TLL1: variants seen among roughly 807,000 people sequenced by gnomAD.
TLL1 encodes the protein tolloid like 1.
TLL1 carries 49 observed loss-of-function variants against 128.2 expected under a neutral mutation model. The observed-to-expected ratio is 0.38, with a 90% confidence interval of 0.30 to 0.48. The LOEUF (loss-of-function observed/expected upper bound fraction) is 0.48. Ranked by LOEUF, TLL1 falls within the 20% of genes least tolerant of loss-of-function variation. The pLI is 0.96. For missense variants in TLL1, 1,123 were observed against 1,242.0 expected, an observed-to-expected ratio of 0.90 and a Z score of 1.44; for synonymous variants, 454 against 418.8, an observed-to-expected ratio of 1.08 and a Z score of -1.03.
intron 1 of TLL1, among the ~76,000 whole-genome samples, chr4:165,965,011 G>A (rs1331256694): frequency 6.6e-6 from 1 of 151,906 alleles, no homozygotes; most frequent in Non-Finnish European, 1.5e-5. Flanking sequence ...AATTACCCAT[G>A]TATAATTTTA....
chr4:165,910,884 G>A (rs889609605), intron 1 of TLL1, among the ~76,000 whole-genome samples: 2 of 152,092 alleles, frequency 1.3e-5, no homozygotes, highest in Non-Finnish European at 2.9e-5. Flanking sequence ...TGAGTACTAT[G>A]CCTAAAATCT....
At chr4:166,087,846 G>A (rs143132207) in intron 18 of TLL1, among the ~76,000 whole-genome samples, 4 of 152,068 alleles carry the variant, frequency 2.6e-5, no homozygotes, top group Non-Finnish European at 5.9e-5. Flanking sequence ...CCTATAACGA[G>A]AGTTCAATTT....
chr4:165,878,968 CTG>C (rs1730855016), intron 1 of TLL1, among the ~76,000 whole-genome samples: 1 of 116,740 alleles, frequency 8.6e-6, no homozygotes, highest in African/African-American at 3.2e-5. Flanking sequence ...GGACCTCACT[CTG>C]TCACCAGGCT....
chr4:166,047,725 A>C (rs1739525644), intron 12 of TLL1, among the ~76,000 whole-genome samples: 1 of 152,090 alleles, frequency 6.6e-6, no homozygotes, highest in African/African-American at 2.4e-5. Context: ...AGTTTCAGGA[A>C]TCTTTGAGCA....
At chr4:166,087,387 AG>A (rs1275417037) in intron 18 of TLL1, among the ~76,000 whole-genome samples, 2 of 152,270 alleles carry the variant, frequency 1.3e-5, no homozygotes, top group Non-Finnish European at 2.9e-5. Flanking sequence ...TGGAGAAAAA[AG>A]GTTCTTTTGA....
At chr4:165,937,862 CCA>C (rs1733836542) in intron 1 of TLL1, among the ~76,000 whole-genome samples, 2 of 129,442 alleles carry the variant, frequency 1.5e-5, no homozygotes, top group African/African-American at 5.5e-5. Flanking sequence ...CACCCCCCCC[CCA>C]AAAAAAAGCA....
intron 1 of TLL1, among the ~76,000 whole-genome samples, chr4:165,897,662 C>CTTTTTTTTTTTTTTTTTTTTTTTT (rs951819686): frequency 8.4e-5 from 4 of 47,518 alleles, no homozygotes; most frequent in East Asian, 7.9e-4. Flanking sequence ...GGTAGTCCAG[C>CTTTTTTTTTTTTTTTTTTTTTTTT]TTTTTTTTTT....
intron 1 of TLL1, among the ~76,000 whole-genome samples, chr4:165,937,803 T>C (rs541938883): frequency 2.4e-4 from 36 of 152,108 alleles, no homozygotes; most frequent in African/African-American, 7.7e-4. Flanking sequence ...GACTCACATT[T>C]TTATTTTTCT....
chr4:165,959,425 C>T (rs961044445), intron 1 of TLL1, among the ~76,000 whole-genome samples: 7 of 152,114 alleles, frequency 4.6e-5, no homozygotes, highest in Non-Finnish European at 1.5e-5. Flanking sequence ...AGAGGTCCTT[C>T]ATGTCCTTTG....
chr4:166,065,407 G>A (rs903032323), intron 15 of TLL1, among the ~76,000 whole-genome samples: 7 of 151,962 alleles, frequency 4.6e-5, no homozygotes, highest in African/African-American at 1.4e-4. Context: ...CCAGTGCCAT[G>A]TATGACAAGT....
chr4:166,101,877 C>G lies in TLL1; in HGVS notation c.*1001C>G, dbSNP rs775498972. On this transcript the variant is annotated 3_prime_UTR_variant, in exon 21 of 21. Coordinates refer to ENST00000061240, the MANE Select transcript of TLL1 (RefSeq NM_012464.5). The stretch of plus-strand genomic sequence containing the variant: ...GAAGCAGAAGTAGGCCTTGTGAGAA[C>G]TGAAAGGTCTCTTTCATTTTTCTCT... 1.3e-5 allele frequency: 2 copies of G among 152,372 alleles called. No homozygotes were observed. Among genetic ancestry groups the G allele is most frequent in the Admixed American group, 6.6e-5 (1 of 15,212 alleles). The allele number at this position is 152,372 out of a possible 1,614,324, so 9.4% of individuals were successfully genotyped here.
intron 2 of TLL1, among the ~76,000 whole-genome samples, 162 bp from the exon 3 acceptor site, chr4:165,992,642 G>C (rs1736699442): frequency 6.6e-6 from 1 of 152,018 alleles, no homozygotes; most frequent in Non-Finnish European, 1.5e-5. Flanking sequence ...GGTTGCTGTA[G>C]AGTTTTTACC....
At chr4:165,925,046 A>T (rs1299456014) in intron 1 of TLL1, among the ~76,000 whole-genome samples, 1 of 152,210 alleles carries the variant, frequency 6.6e-6, no homozygotes, top group African/African-American at 2.4e-5. Context: ...CTCATTGGCA[A>T]TGTAGCTTGT....
chr4:165,988,105 A>G (rs963339824), intron 1 of TLL1, among the ~76,000 whole-genome samples: 18 of 152,110 alleles, frequency 1.2e-4, no homozygotes, highest in African/African-American at 4.1e-4. Flanking sequence ...GTGCTTCCTA[A>G]AGTTACTGTG....
chr4:166,006,232 G>A (rs1030566673), intron 6 of TLL1, among the ~76,000 whole-genome samples: 3 of 151,772 alleles, frequency 2.0e-5, no homozygotes, highest in Non-Finnish European at 4.4e-5. Context: ...TCAAGAAGGA[G>A]GCTTGCCATT....
intron 1 of TLL1, among the ~76,000 whole-genome samples, chr4:165,880,114 C>A (rs942214705): frequency 6.6e-6 from 1 of 152,050 alleles, no homozygotes; most frequent in Non-Finnish European, 1.5e-5. Flanking sequence ...TGACATAGAT[C>A]GTGTTCTTTT....
intron 7 of TLL1, 39 bp downstream of exon 7, chr4:166,008,087 T>C (rs766060661): frequency 6.8e-7 from 1 of 1,474,938 alleles, no homozygotes; most frequent in South Asian, 1.1e-5. Flanking sequence ...TTTTAATTCC[T>C]TTCCTCCATG....
At chr4:166,019,688 T>C (rs970182931) in intron 8 of TLL1, among the ~76,000 whole-genome samples, 3 of 152,156 alleles carry the variant, frequency 2.0e-5, no homozygotes, top group Admixed American at 2.0e-4. Context: ...ACAGGCAGAC[T>C]GTAAATACTG....
chr4:165,980,275 A>C (rs546935251), intron 1 of TLL1, among the ~76,000 whole-genome samples: 1 of 152,102 alleles, frequency 6.6e-6, no homozygotes, highest in East Asian at 1.9e-4. Flanking sequence ...TGTCTCAGGG[A>C]TGTCTGTATT....
Sources: allele counts gnomAD v4.1 joint callset (sites outside exome capture counted in the v4.1 genomes callset), GRCh38; gene constraint gnomAD v4.1.1; transcripts MANE v1.5; gene names NCBI Gene and HGNC (gene_info 2026-07-23, HGNC 2026-07-21).